The following UBR7 variants were observed in gnomAD, a reference collection of about 807,000 sequenced individuals.
The protein encoded by UBR7 is ubiquitin protein ligase E3 component n-recognin 7, also known as putative E3 ubiquitin-protein ligase UBR7.
In UBR7, 22 loss-of-function variants were observed where a neutral mutation model predicts 57.0. That is an observed-to-expected ratio of 0.39 (90% confidence interval 0.28 to 0.55). UBR7 has a LOEUF of 0.55. Ranked by LOEUF, UBR7 falls within the 20% of genes least tolerant of loss-of-function variation. UBR7 has a pLI of 0.69. For synonymous variants in UBR7, 167 were observed against 179.8 expected (o/e 0.93, Z 0.57); for missense variants, 395 against 513.2 (o/e 0.77, Z 2.23).
At chr14:93,211,913 A>T in intron 3 of UBR7, 119 bp from the exon 4 acceptor site, 1 of 778,400 alleles carries the variant, frequency 1.3e-6, no homozygotes, top group Non-Finnish European at 2.0e-6. Flanking sequence ...TTTGAAAATT[A>T]AAGATCAGCC....
chr14:93,214,861 T>C, intron 4 of UBR7, 68 bp from the exon 5 acceptor site: 4 of 1,355,096 alleles, frequency 3.0e-6, no homozygotes, highest in Non-Finnish European at 4.2e-6. Context: ...CTTATTTTAC[T>C]GTGTGCCAGG....
chr14:93,228,068 C>A lies in UBR7; in HGVS notation c.*1033C>A. 4.3e-6 allele frequency: 3 copies of A among 691,384 alleles called. No homozygotes were observed. Among genetic ancestry groups the A allele is most frequent in the Non-Finnish European group, 7.9e-6 (3 of 379,570 alleles). The allele number at this position is 691,384 out of a possible 1,614,324, so 42.8% of individuals were successfully genotyped here. On this transcript the variant is annotated 3_prime_UTR_variant, in exon 11 of 11. Transcript: ENST00000013070. Reference sequence around the variant, plus strand: ...TACTTGAAATAAGCAGGGCAGGGAGCCCTGTTTTGGAAGAGACAGACTGTG... The same window carrying A: ...TACTTGAAATAAGCAGGGCAGGGAGACCTGTTTTGGAAGAGACAGACTGTG...
Position 93,207,273 on chromosome 14 carries a change from G to C in UBR7, c.-19G>C, listed in dbSNP as rs765790328. 1.9e-6 allele frequency: 3 copies of C among 1,551,540 alleles called. No individual in the cohort carries two copies. Among genetic ancestry groups the C allele is most frequent in the East Asian group, 2.4e-5 (1 of 41,064 alleles). On this transcript the variant is annotated 5_prime_UTR_variant, in exon 1 of 11. Coordinates refer to ENST00000013070, the MANE Select transcript of UBR7 (RefSeq NM_175748.4). ...CCGCCTCCGCCGGGGCCGAGCCGCT[G>C]TTCGGCTGACAGTTGAGGATGGCCG...
intron 3 of UBR7, among the ~76,000 whole-genome samples, chr14:93,211,148 G>C (rs2033673069): frequency 6.6e-6 from 1 of 152,112 alleles, no homozygotes; most frequent in South Asian, 2.1e-4. Flanking sequence ...GCTGAGGCAG[G>C]AGAATTGCTT....
chr14:93,216,399 G>T (rs918793065), intron 6 of UBR7, among the ~76,000 whole-genome samples: 6 of 152,122 alleles, frequency 3.9e-5, no homozygotes, highest in African/African-American at 1.2e-4. Flanking sequence ...ACTAATTAAT[G>T]AATGGTCCTG....
At chr14:93,224,385 T>C (rs1405298385) in intron 10 of UBR7, among the ~76,000 whole-genome samples, 1 of 144,584 alleles carries the variant, frequency 6.9e-6, no homozygotes, top group East Asian at 2.0e-4. Context: ...TTTTTTTTTT[T>C]TTTTTTTTTT....
At chr14:93,215,022 C>A in intron 5 of UBR7, 40 bp downstream of exon 5, 2 of 1,575,102 alleles carry the variant, frequency 1.3e-6, no homozygotes, top group Non-Finnish European at 1.7e-6. Context: ...ATTGTTGTCA[C>A]AAAAAGATAA....
At chr14:93,207,683 G>GTT (rs1299051748) in intron 1 of UBR7, among the ~76,000 whole-genome samples, 1 of 152,060 alleles carries the variant, frequency 6.6e-6, no homozygotes, top group Non-Finnish European at 1.5e-5. Context: ...TGTCCGGCCC[G>GTT]CCAGGAAGGG....
intron 10 of UBR7, among the ~76,000 whole-genome samples, chr14:93,224,387 T>G (rs1369677305): frequency 3.4e-5 from 5 of 145,110 alleles, no homozygotes; most frequent in African/African-American, 1.0e-4. Flanking sequence ...TTTTTTTTTT[T>G]TTTTTTTTTG....
chr14:93,223,264 C>T (rs865784422), intron 10 of UBR7, among the ~76,000 whole-genome samples: 45 of 151,920 alleles, frequency 3.0e-4, no homozygotes, highest in Admixed American at 5.2e-4. Context: ...GGTATGAGGG[C>T]GGGTGCCTGT....
intron 6 of UBR7, among the ~76,000 whole-genome samples, chr14:93,216,209 G>T (rs1289617420): frequency 2.0e-5 from 3 of 152,134 alleles, no homozygotes; most frequent in African/African-American, 7.2e-5. Flanking sequence ...ACCATGCCCT[G>T]CTAATTTTGT....
chr14:93,215,998 A>G (rs1379623420), intron 6 of UBR7, among the ~76,000 whole-genome samples: 1 of 152,216 alleles, frequency 6.6e-6, no homozygotes, highest in East Asian at 1.9e-4. Flanking sequence ...TATTTCTCAC[A>G]GTTCTGGAGA....
intron 4 of UBR7, among the ~76,000 whole-genome samples, chr14:93,213,377 G>A (rs957197048): frequency 3.3e-5 from 5 of 150,670 alleles, no homozygotes; most frequent in Non-Finnish European, 5.9e-5. Context: ...GCGCGATCTC[G>A]GCTCACTGCA....
chr14:93,211,205 A>C (rs1212573161), intron 3 of UBR7, among the ~76,000 whole-genome samples: 18 of 151,450 alleles, frequency 1.2e-4, no homozygotes, highest in East Asian at 1.9e-4. Flanking sequence ...GCGCCACTGC[A>C]CTCCAGCTGG....
intron 4 of UBR7, among the ~76,000 whole-genome samples, 174 bp from the exon 5 acceptor site, chr14:93,214,755 G>C (rs1447339269): frequency 6.6e-6 from 1 of 152,226 alleles, no homozygotes; most frequent in African/African-American, 2.4e-5. Context: ...CAGATATTAA[G>C]TAATGGATGT....
chr14:93,218,784 G>A (rs370987190), intron 7 of UBR7, 49 bp downstream of exon 7: 108 of 1,580,098 alleles, frequency 6.8e-5, no homozygotes, highest in Middle Eastern at 3.4e-4. Context: ...GGCCAGGCGC[G>A]GTGGCTCATG....
chr14:93,213,464 C>T (rs367579741), intron 4 of UBR7, among the ~76,000 whole-genome samples: 10 of 152,044 alleles, frequency 6.6e-5, no homozygotes, highest in East Asian at 2.0e-4. Flanking sequence ...CCCGCCACCA[C>T]GCCCAGCTAA....
At position 93,229,084 on chromosome 14, in the gene UBR7, TATG is replaced by T. The variant is rs1459580858; in HGVS notation, c.*2052_*2054del. 10 of 381,186 alleles carry T rather than the reference TATG, an allele frequency of 2.6e-5. No homozygotes were observed. In the East Asian group the frequency reaches 5.1e-4, roughly 19 times the overall value. 23.6% of individuals were successfully genotyped at this position (381,186 alleles called of 1,614,324 possible). On this transcript the variant is annotated 3_prime_UTR_variant, in exon 11 of 11. Coordinates refer to ENST00000013070, the MANE Select transcript of UBR7 (RefSeq NM_175748.4). ...ATGCATGTTTTATGCAAAACACAAA[TATG>T]ATATTAGTTGCTTTTAAGGAGTTCT...
rs1197520911 is a variant in UBR7, at chr14:93,227,389, A to G, written c.*354A>G. 2 of 649,312 alleles carry G rather than the reference A, an allele frequency of 3.1e-6. No homozygotes were observed. The highest frequency in any genetic ancestry group is 5.7e-6 in the Non-Finnish European group (2 of 353,124). The allele number at this position is 649,312 out of a possible 1,614,324, so 40.2% of individuals were successfully genotyped here. On this transcript the variant is annotated 3_prime_UTR_variant, in exon 11 of 11. Transcript: ENST00000013070. ...CACTCCCAGATGTGTGTGTTTTGCC[A>G]CAGAGCTGTTGCCTTCCAGAACCTC... is the stretch of plus-strand genomic sequence containing the variant.
Sources: allele counts gnomAD v4.1 joint callset (sites outside exome capture counted in the v4.1 genomes callset), GRCh38; gene constraint gnomAD v4.1.1; transcripts MANE v1.5; gene names NCBI Gene and HGNC (gene_info 2026-07-23, HGNC 2026-07-21).